STK3: variants seen among roughly 807,000 people sequenced by gnomAD.
The protein encoded by STK3 is serine/threonine kinase 3, also known as serine/threonine-protein kinase 3.
In STK3, 41 loss-of-function variants were observed where a neutral mutation model predicts 58.0. The observed-to-expected ratio is 0.71, with a 90% CI of 0.55 to 0.92. STK3 has a LOEUF of 0.92. Among genes scored for constraint, STK3 ranks in the 40% least tolerant of loss-of-function variants. The pLI is 0.00. For missense variants in STK3, 479 were observed against 602.7 expected, an observed-to-expected ratio of 0.79 and a Z score of 2.15; for synonymous variants, 170 against 191.0, an observed-to-expected ratio of 0.89 and a Z score of 0.91.
chr8:98,415,413 C>G (rs1423863313), intron 3 of STK3, among the ~76,000 whole-genome samples: 1 of 152,232 alleles, frequency 6.6e-6, no homozygotes, highest in Admixed American at 6.5e-5. Context: ...ATTACTTCAT[C>G]TAAAACATTA....
At chr8:98,353,413 C>G in the STK3 span, among the ~76,000 whole-genome samples, 6 of 152,164 alleles carry the variant, frequency 3.9e-5, no homozygotes, top group Non-Finnish European at 8.8e-5. Flanking sequence ...ATCACTTAAG[C>G]CAGGGATGTC....
At chr8:98,794,268 C>T (rs1832988611) in intron 1 of STK3, among the ~76,000 whole-genome samples, 1 of 151,986 alleles carries the variant, frequency 6.6e-6, no homozygotes, top group African/African-American at 2.4e-5. Context: ...CGACAGACTG[C>T]AAGCTAGATT....
At chr8:98,676,717 G>A (rs1461814255) in intron 6 of STK3, among the ~76,000 whole-genome samples, 1 of 152,048 alleles carries the variant, frequency 6.6e-6, no homozygotes, top group Non-Finnish European at 1.5e-5. Context: ...AGTGACGGCT[G>A]TACAACAGTG....
At chr8:98,614,367 C>T (rs1272100245) in intron 6 of STK3, among the ~76,000 whole-genome samples, 1 of 151,812 alleles carries the variant, frequency 6.6e-6, no homozygotes, top group Non-Finnish European at 1.5e-5. Flanking sequence ...ATAACAGAGA[C>T]ATAATAGGAA....
chr8:98,864,537 T>C (rs778733134), intron 3 of STK3, among the ~76,000 whole-genome samples: 1 of 152,226 alleles, frequency 6.6e-6, no homozygotes, highest in Admixed American at 6.5e-5. Context: ...TCCTGAGTAC[T>C]TCCATTGTCT....
At chr8:98,917,341 C>CT (rs1337334572) in intron 1 of STK3, among the ~76,000 whole-genome samples, 2 of 152,152 alleles carry the variant, frequency 1.3e-5, no homozygotes, top group African/African-American at 4.8e-5. Flanking sequence ...CCAGCATAGC[C>CT]TTTTTAAAGA....
Position 98,428,369 on chromosome 8 carries a change from C to G in STK3, n.483+5758G>C, listed in dbSNP as rs764750909. 3.1e-6 allele frequency: 5 copies of G among 1,614,124 alleles called. No individual in the cohort carries two copies. The highest frequency in any genetic ancestry group is 1.1e-5 in the South Asian group (1 of 91,078). ...GCTACCATGGCCGCAAAGTAGAGCC[C>G]GAGCAGGAGAAGTGGGACGAGCAGA... On this transcript the variant is annotated intron_variant and non_coding_transcript_variant, in intron 3 of 3. Transcript: ENST00000517832. This position sits in a 1 kb window ranked among gnomAD's most constrained non-coding sequence, Gnocchi z 6.7.
At chr8:98,830,895 G>A (rs1156826311) in intron 3 of STK3, among the ~76,000 whole-genome samples, 2 of 151,214 alleles carry the variant, frequency 1.3e-5, no homozygotes, top group African/African-American at 2.4e-5. Flanking sequence ...GCGTGAACCC[G>A]GGAGGCGAAG....
At chr8:98,872,037 G>A (rs978145614) in intron 3 of STK3, among the ~76,000 whole-genome samples, 1 of 152,180 alleles carries the variant, frequency 6.6e-6, no homozygotes, top group African/African-American at 2.4e-5. Flanking sequence ...AGTTTATTGA[G>A]AGTTTTTAGC....
chr8:98,508,178 C>G (rs964011146), intron 10 of STK3, among the ~76,000 whole-genome samples: 8 of 152,016 alleles, frequency 5.3e-5, no homozygotes, highest in Non-Finnish European at 8.8e-5. Flanking sequence ...GACTGCACTA[C>G]CCTAGTATTT....
chr8:98,622,226 G>A (rs896423319), intron 6 of STK3, among the ~76,000 whole-genome samples: 36 of 150,960 alleles, frequency 2.4e-4, no homozygotes, highest in South Asian at 1.3e-3. Flanking sequence ...CTGAGATTGC[G>A]CCACTGCACT....
At chr8:98,416,033 C>A (rs778958973) in intron 3 of STK3, among the ~76,000 whole-genome samples, 1 of 152,202 alleles carries the variant, frequency 6.6e-6, no homozygotes, top group Admixed American at 6.5e-5. Flanking sequence ...GGGGCACCAT[C>A]ATGTCAACAT....
chr8:98,379,019 T>G (rs929538610), intron 2 of STK3: 9 of 152,234 alleles, frequency 5.9e-5, no homozygotes, highest in African/African-American at 2.2e-4. Flanking sequence ...AAGCCTTGGC[T>G]GCTGGAGGCA....
chr8:98,346,422 AT>A, the STK3 span, among the ~76,000 whole-genome samples: 4 of 151,498 alleles, frequency 2.6e-5, no homozygotes, highest in Non-Finnish European at 4.4e-5. Flanking sequence ...TAATGTCCAA[AT>A]TTTTTTTTCA....
At chr8:98,433,474 T>G (rs1420538125) in intron 3 of STK3, among the ~76,000 whole-genome samples, 1 of 152,142 alleles carries the variant, frequency 6.6e-6, no homozygotes, top group Non-Finnish European at 1.5e-5. Context: ...GGTGAATCGG[T>G]AGGAAGGCCA....
intron 3 of STK3, among the ~76,000 whole-genome samples, chr8:98,755,654 T>C (rs947804034): frequency 2.6e-5 from 4 of 152,228 alleles, no homozygotes; most frequent in Non-Finnish European, 5.9e-5. Flanking sequence ...AGAGTTCATA[T>C]GTATACAGTG....
chr8:98,691,007 C>A (rs1824367505), intron 6 of STK3, among the ~76,000 whole-genome samples: 1 of 152,114 alleles, frequency 6.6e-6, no homozygotes. Flanking sequence ...GGGCTGACTA[C>A]TGGGTTCACA....
chr8:98,712,978 A>C (rs1826638559), intron 4 of STK3, among the ~76,000 whole-genome samples: 1 of 152,128 alleles, frequency 6.6e-6, no homozygotes, highest in Admixed American at 6.6e-5. Context: ...GGATTAAGAA[A>C]CTCACTCAAA....
At position 98,789,325 on chromosome 8, in the gene STK3, A is replaced by T. The variant is rs148349961; in HGVS notation, c.27-14506T>A. ...CAAAAAGTCTGAAAGAGCACAGACAATCTAAGGCCACACCTCAAGGACCTA... is the reference window on the plus strand; with the variant it reads ...CAAAAAGTCTGAAAGAGCACAGACATTCTAAGGCCACACCTCAAGGACCTA... On this transcript the variant is annotated intron_variant, in intron 1 of 10. Transcript: ENST00000419617. Among the ~76,000 whole-genome samples, 57 of 152,282 alleles carry T rather than the reference A, an allele frequency of 3.7e-4. No individual in the cohort carries two copies. The East Asian group carries it at 0.011, about 29-fold the overall frequency.
Sources: gnomAD v4.1 joint callset for allele counts (sites outside exome capture counted in the v4.1 genomes callset) on GRCh38, gnomAD v4.1.1 for gene constraint, Gnocchi (gnomAD v3.1) non-coding constraint, MANE v1.5 for transcripts, NCBI Gene and HGNC (gene_info 2026-07-23, HGNC 2026-07-21) for gene names.